FHIP1A: variants seen among roughly 807,000 people sequenced by gnomAD.
FHIP1A encodes FHF complex subunit HOOK interacting protein 1A.
FHIP1A carries 61 observed loss-of-function variants against 88.6 expected under a neutral mutation model. That is an observed-to-expected ratio of 0.69 (90% CI 0.56 to 0.85). The LOEUF (loss-of-function observed/expected upper bound fraction) is 0.85. Ranked by LOEUF, FHIP1A falls within the 40% of genes least tolerant of loss-of-function variation. The pLI is 0.00. For missense variants in FHIP1A, 1,154 were observed against 1,273.5 expected (o/e 0.91, Z 1.43); for synonymous variants, 478 against 496.0 (o/e 0.96, Z 0.48).
intron 4 of FHIP1A, among the ~76,000 whole-genome samples, chr4:151,568,744 A>T (rs1377946432): frequency 6.6e-6 from 1 of 152,188 alleles, no homozygotes; most frequent in Non-Finnish European, 1.5e-5. Context: ...TTATGGCTGG[A>T]AATGGCCTGG....
chr4:151,559,234 T>C (rs1671699844), intron 3 of FHIP1A, among the ~76,000 whole-genome samples: 1 of 152,242 alleles, frequency 6.6e-6, no homozygotes, highest in African/African-American at 2.4e-5. Context: ...TCAAATATGT[T>C]GTCATTGCTA....
chr4:151,623,277 C>G (rs531766799), intron 7 of FHIP1A, among the ~76,000 whole-genome samples: 2 of 152,166 alleles, frequency 1.3e-5, no homozygotes, highest in Non-Finnish European at 2.9e-5. Flanking sequence ...TGTGTCCCCT[C>G]TTAACCACAG....
intron 3 of FHIP1A, among the ~76,000 whole-genome samples, chr4:151,525,756 T>C (rs890407128): frequency 5.9e-5 from 9 of 152,158 alleles, no homozygotes; most frequent in African/African-American, 2.2e-4. Flanking sequence ...CTTTTTTTTT[T>C]TTTTTCATTT....
chr4:151,453,531 C>T (rs1165873217), intron 1 of FHIP1A, among the ~76,000 whole-genome samples: 1 of 152,116 alleles, frequency 6.6e-6, no homozygotes, highest in African/African-American at 2.4e-5. Context: ...GTAACACATA[C>T]AACAAACTTA....
chr4:151,591,527 A>G (rs1425002647), intron 7 of FHIP1A, among the ~76,000 whole-genome samples: 1 of 152,180 alleles, frequency 6.6e-6, no homozygotes, highest in African/African-American at 2.4e-5. Context: ...ATATGTATAC[A>G]CGTGCCATGG....
intron 9 of FHIP1A, among the ~76,000 whole-genome samples, chr4:151,641,896 C>G (rs889489776): frequency 6.6e-6 from 1 of 152,100 alleles, no homozygotes; most frequent in African/African-American, 2.4e-5. Context: ...ATCTGAGAGG[C>G]AGTAGAGCTG....
At chr4:151,607,113 G>A (rs1179003753) in intron 7 of FHIP1A, among the ~76,000 whole-genome samples, 1 of 152,144 alleles carries the variant, frequency 6.6e-6, no homozygotes, top group South Asian at 2.1e-4. Context: ...GATGCTGTCC[G>A]AGATCCAGTT....
chr4:151,431,944 T>G (rs144301597), intron 1 of FHIP1A, among the ~76,000 whole-genome samples: 11 of 152,294 alleles, frequency 7.2e-5, no homozygotes, highest in African/African-American at 2.4e-4. Context: ...GGGTAACCAG[T>G]GACAGAGCTG....
intron 7 of FHIP1A, among the ~76,000 whole-genome samples, chr4:151,590,571 A>G (rs1386676299): frequency 1.3e-5 from 2 of 152,220 alleles, no homozygotes; most frequent in African/African-American, 4.8e-5. Context: ...GCTTTCAGTT[A>G]TGGCATATTA....
intron 7 of FHIP1A, among the ~76,000 whole-genome samples, chr4:151,625,612 C>T (rs1735924351): frequency 6.6e-6 from 1 of 152,128 alleles, no homozygotes; most frequent in African/African-American, 2.4e-5. Flanking sequence ...CAGTTGTGGG[C>T]ATGATGGCTG....
chr4:151,524,077 C>A (rs188235734), intron 3 of FHIP1A, among the ~76,000 whole-genome samples: 2 of 152,012 alleles, frequency 1.3e-5, no homozygotes, highest in Admixed American at 1.3e-4. Context: ...TTTGGGAGAC[C>A]GAGGCGGGCA....
intron 9 of FHIP1A, among the ~76,000 whole-genome samples, chr4:151,644,247 C>A (rs1005255757): frequency 6.6e-6 from 1 of 152,168 alleles, no homozygotes; most frequent in East Asian, 1.9e-4. Flanking sequence ...CTCACCCCAG[C>A]CACCTCATAG....
chr4:151,456,442 C>T lies in FHIP1A; in HGVS notation c.-248+1634C>T, dbSNP rs115685414. Among the ~76,000 whole-genome samples, 394 of 152,132 alleles carry T rather than the reference C, an allele frequency of 2.6e-3. 1 individual carries two copies. The highest frequency in any genetic ancestry group is 9.0e-3 in the African/African-American group (375 of 41,502). Reference sequence around the variant, plus strand: ...GAGGAGAGTTGGGCATTAAACCTCTCGGAAGATGAAATGAAGGGAAAGCAA... The same window carrying T: ...GAGGAGAGTTGGGCATTAAACCTCTTGGAAGATGAAATGAAGGGAAAGCAA... On this transcript the variant is annotated intron_variant, in intron 2 of 13. Transcript: ENST00000435205.
intron 1 of FHIP1A, among the ~76,000 whole-genome samples, chr4:151,411,349 A>AT (rs60777689): frequency 0.039 from 5,394 of 136,768 alleles, 308 homozygotes; most frequent in East Asian, 0.17. Context: ...TTATATATAT[A>AT]TTTTTTTTTT....
At chr4:151,518,026 G>T (rs912631951) in intron 3 of FHIP1A, among the ~76,000 whole-genome samples, 1 of 152,136 alleles carries the variant, frequency 6.6e-6, no homozygotes, top group African/African-American at 2.4e-5. Flanking sequence ...GTGTAGCCTA[G>T]ATGTACAGTA....
At chr4:151,619,121 G>A (rs771734317) in intron 7 of FHIP1A, among the ~76,000 whole-genome samples, 1 of 152,064 alleles carries the variant, frequency 6.6e-6, no homozygotes, top group South Asian at 2.1e-4. Flanking sequence ...CTCAGGGAGG[G>A]GTTTCCAGGA....
intron 3 of FHIP1A, among the ~76,000 whole-genome samples, chr4:151,496,328 C>G (rs1195124130): frequency 6.6e-6 from 1 of 151,766 alleles, no homozygotes; most frequent in Non-Finnish European, 1.5e-5. Context: ...AGCTTAAAAG[C>G]TTAAATACTC....
At chr4:151,502,098 T>C (rs1730669724) in intron 3 of FHIP1A, among the ~76,000 whole-genome samples, 1 of 150,172 alleles carries the variant, frequency 6.7e-6, no homozygotes, top group Admixed American at 6.7e-5. Context: ...GGAGAATCAC[T>C]TGAGCCCAGG....
In FHIP1A at chr4:151,526,651, C is replaced by T. The variant is rs549534795; in HGVS notation, c.-122-39487C>T. ...CTCCCTCCCGGACGGGGCGGCTGGC[C>T]GGGCGGGGGGCTGACCCCCCCTCCT... On this transcript the variant is annotated intron_variant, in intron 3 of 13. Coordinates refer to ENST00000435205, the MANE Select transcript of FHIP1A (RefSeq NM_001109977.3). Among the ~76,000 whole-genome samples, 20 of 150,154 alleles carry T rather than the reference C, an allele frequency of 1.3e-4. No individual in the cohort carries two copies. In the East Asian group the frequency reaches 3.4e-3, roughly 26 times the overall value.
Sources: allele counts gnomAD v4.1 joint callset (sites outside exome capture counted in the v4.1 genomes callset), GRCh38; gene constraint gnomAD v4.1.1; transcripts MANE v1.5; gene names NCBI Gene and HGNC (gene_info 2026-07-23, HGNC 2026-07-21).